ABLIM1: variants seen among roughly 807,000 people sequenced by gnomAD.
ABLIM1 encodes actin binding LIM protein 1.
A neutral mutation model predicts 107.0 loss-of-function variants in ABLIM1; 40 were observed. The observed-to-expected ratio is 0.37, with a 90% CI of 0.29 to 0.49. The LOEUF (loss-of-function observed/expected upper bound fraction) is 0.49, where lower values mean the gene tolerates loss of function less well. Ranked by LOEUF, ABLIM1 falls within the 20% of genes least tolerant of loss-of-function variation. The pLI is 0.97. For missense variants in ABLIM1, 857 were observed against 1,008.5 expected (o/e 0.85, Z 2.04); for synonymous variants, 357 against 357.3 (o/e 1.00, Z 0.01).
intron 1 of ABLIM1, among the ~76,000 whole-genome samples, chr10:114,617,210 C>T (rs547127843): frequency 5.3e-5 from 8 of 151,652 alleles, no homozygotes; most frequent in Admixed American, 1.3e-4. Context: ...GGCAGTTGAA[C>T]ACTGTCTCTC....
At chr10:114,643,311 C>T (rs1167767903) in intron 1 of ABLIM1, among the ~76,000 whole-genome samples, 1 of 152,154 alleles carries the variant, frequency 6.6e-6, no homozygotes, top group Non-Finnish European at 1.5e-5. Context: ...CTGTTGTTCT[C>T]GTGTACACAG....
At chr10:114,443,469 C>T (rs1257690808) in intron 17 of ABLIM1, among the ~76,000 whole-genome samples, 9 of 151,876 alleles carry the variant, frequency 5.9e-5, no homozygotes, top group Admixed American at 3.9e-4. Flanking sequence ...CCCACCACCA[C>T]GCCTGGCTAA....
In ABLIM1 at chr10:114,667,697, C is replaced by T. The variant is rs542256322; in HGVS notation, c.64+16593G>A. On this transcript the variant is annotated intron_variant, in intron 1 of 23. Coordinates refer to the ABLIM1 transcript ENST00000369256. ...TCCCAGTCAATCCCTGCCCTCACAC[C>T]ATAGCCACTGTTCCCATTTCTATCA... Among the ~76,000 whole-genome samples the T allele has an allele frequency of 5.3e-5, 8 of 152,314 alleles. No homozygotes were observed. The South Asian group carries it at 1.5e-3, about 28-fold the overall frequency.
the ABLIM1 span, among the ~76,000 whole-genome samples, chr10:114,789,517 C>T: frequency 6.6e-6 from 1 of 152,120 alleles, no homozygotes; most frequent in Non-Finnish European, 1.5e-5. Context: ...CATAGGTAAA[C>T]TCGTGAACTA....
At chr10:114,581,517 C>A (rs565168652) in intron 2 of ABLIM1, among the ~76,000 whole-genome samples, 10 of 152,294 alleles carry the variant, frequency 6.6e-5, no homozygotes, top group Non-Finnish European at 1.3e-4. Flanking sequence ...TATCAGTAGA[C>A]TGAACATCTC....
In ABLIM1 at chr10:114,479,856, A is replaced by C. The variant is rs548337418; in HGVS notation, c.1042-5900T>G. Among the ~76,000 whole-genome samples the C allele has an allele frequency of 2.6e-5, 4 of 152,376 alleles. 1 individual carries two copies. In the South Asian group the frequency reaches 6.2e-4, roughly 24 times the overall value. ...AGAATTCCAAACATGTTGAATTTCA[A>C]ATTAACATCTTGTTTATTAAAAGAA... On this transcript the variant is annotated intron_variant, in intron 8 of 22. Transcript: ENST00000533213.
At chr10:114,682,616 A>C (rs972483712) in intron 1 of ABLIM1, among the ~76,000 whole-genome samples, 1 of 152,180 alleles carries the variant, frequency 6.6e-6, no homozygotes, top group Non-Finnish European at 1.5e-5. Context: ...ATAATTTGCC[A>C]ACTTCCAATT....
chr10:114,502,504 A>AT (rs1244187726), intron 6 of ABLIM1, among the ~76,000 whole-genome samples: 2 of 151,538 alleles, frequency 1.3e-5, no homozygotes, highest in East Asian at 1.9e-4. Flanking sequence ...ATTTTATTTT[A>AT]TTTATTTTTT....
chr10:114,755,940 ACT>A (rs1214509414), intron 1 of ABLIM1, among the ~76,000 whole-genome samples: 1 of 151,886 alleles, frequency 6.6e-6, no homozygotes, highest in East Asian at 1.9e-4. Flanking sequence ...AGGTCGAGAC[ACT>A]CTCAGTTATA....
At chr10:114,688,578 C>T (rs1242774645), upstream of ABLIM1, among the ~76,000 whole-genome samples, 1 of 152,164 alleles carries the variant, frequency 6.6e-6, no homozygotes, top group Non-Finnish European at 1.5e-5. Flanking sequence ...CAAAGATTCC[C>T]TCATTGATTT....
chr10:114,601,553 G>A (rs142403275), intron 2 of ABLIM1: 43 of 497,616 alleles, frequency 8.6e-5, no homozygotes, highest in African/African-American at 6.0e-4. Flanking sequence ...GGCGTGAGCC[G>A]GCCTTTTTAC....
At chr10:114,735,397 T>C (rs545197844) in intron 1 of ABLIM1, among the ~76,000 whole-genome samples, 1 of 152,326 alleles carries the variant, frequency 6.6e-6, no homozygotes, top group African/African-American at 2.4e-5. Flanking sequence ...TTCTGTATGT[T>C]AGAGGGATTT....
intron 4 of ABLIM1, among the ~76,000 whole-genome samples, chr10:114,566,253 C>T (rs1002432509): frequency 6.6e-6 from 1 of 152,074 alleles, no homozygotes; most frequent in African/African-American, 2.4e-5. Flanking sequence ...CCCCACAAAC[C>T]CACACGCCAT....
At chr10:114,746,917 G>C (rs1228269538) in intron 1 of ABLIM1, among the ~76,000 whole-genome samples, 2 of 152,066 alleles carry the variant, frequency 1.3e-5, no homozygotes, top group Non-Finnish European at 1.5e-5. Flanking sequence ...TCTGCTTATA[G>C]AGTTATTTGA....
chr10:114,599,840 T>C (rs2075812204), intron 2 of ABLIM1, among the ~76,000 whole-genome samples: 1 of 151,578 alleles, frequency 6.6e-6, no homozygotes, highest in African/African-American at 2.4e-5. Flanking sequence ...ATAAAAAATA[T>C]ATGTGGCTGC....
intron 12 of ABLIM1, among the ~76,000 whole-genome samples, chr10:114,456,424 C>T (rs1317020439): frequency 6.6e-6 from 1 of 152,128 alleles, no homozygotes; most frequent in Non-Finnish European, 1.5e-5. Context: ...AACTGAAAAA[C>T]AGAATCATTC....
At chr10:114,704,263 T>TCG (rs2081361763) in intron 1 of ABLIM1, among the ~76,000 whole-genome samples, 1 of 80,952 alleles carries the variant, frequency 1.2e-5, no homozygotes, top group Non-Finnish European at 2.6e-5. Context: ...ACACTCTATC[T>TCG]CTCTCTCGCT....
chr10:114,690,884 G>A (rs1014808694), intron 1 of ABLIM1, among the ~76,000 whole-genome samples: 4 of 152,218 alleles, frequency 2.6e-5, no homozygotes, highest in Non-Finnish European at 4.4e-5. Flanking sequence ...GTTTCGCCAT[G>A]TTGGCCAGGC....
At chr10:114,712,547 T>C (rs532282625) in intron 1 of ABLIM1, among the ~76,000 whole-genome samples, 14 of 152,130 alleles carry the variant, frequency 9.2e-5, no homozygotes, top group Non-Finnish European at 2.1e-4. Flanking sequence ...ACATTAGCTG[T>C]ATTTATCCAA....
Sources: gnomAD v4.1 joint callset for allele counts (sites outside exome capture counted in the v4.1 genomes callset) on GRCh38, gnomAD v4.1.1 for gene constraint, MANE v1.5 for transcripts, NCBI Gene and HGNC (gene_info 2026-07-23, HGNC 2026-07-21) for gene names.